SLC24A2: variants seen among roughly 807,000 people sequenced by gnomAD.
The protein encoded by SLC24A2 is solute carrier family 24 member 2.
Under a neutral mutation model 62.0 loss-of-function variants are expected in SLC24A2, and 36 were observed. The observed-to-expected ratio is 0.58, with a 90% CI of 0.44 to 0.77. The LOEUF (loss-of-function observed/expected upper bound fraction) is 0.77. Among genes scored for constraint, SLC24A2 ranks in the 30% least tolerant of loss-of-function variants. The pLI is 0.00. For missense variants in SLC24A2, 846 were observed against 817.9 expected, an observed-to-expected ratio of 1.03 and a Z score of -0.42; for synonymous variants, 358 against 294.0, an observed-to-expected ratio of 1.22 and a Z score of -2.23.
intron 2 of SLC24A2, among the ~76,000 whole-genome samples, chr9:19,704,404 A>AGAGAGAGT (rs1554702693): frequency 2.0e-5 from 3 of 151,808 alleles, no homozygotes; most frequent in African/African-American, 4.8e-5. Context: ...AGAGAGAGAG[A>AGAGAGAGT]GTGTGTGTAT....
At chr9:19,996,131 G>A in the SLC24A2 span, among the ~76,000 whole-genome samples, 1 of 152,224 alleles carries the variant, frequency 6.6e-6, no homozygotes, top group East Asian at 1.9e-4. Context: ...GTGTCAGATA[G>A]GGTAAAGTTG....
At chr9:20,193,547 T>A in the SLC24A2 span, among the ~76,000 whole-genome samples, 1 of 151,940 alleles carries the variant, frequency 6.6e-6, no homozygotes, top group Admixed American at 6.6e-5. Flanking sequence ...CCAACTGACA[T>A]CCCCTAATGA....
chr9:19,735,864 G>T lies in SLC24A2; in HGVS notation c.930+50073C>A, dbSNP rs1409851847. Reference sequence around the variant, plus strand: ...CACACACTAGGGCCTGTTGTGGGGTGGGGGGAAGGGGGAGGATAGCATTAG... The same window carrying T: ...CACACACTAGGGCCTGTTGTGGGGTTGGGGGAAGGGGGAGGATAGCATTAG... On this transcript the variant is annotated intron_variant, in intron 2 of 10. Coordinates refer to ENST00000341998, the MANE Select transcript of SLC24A2 (RefSeq NM_020344.4). 2.6e-5 allele frequency among the ~76,000 whole-genome samples: 4 copies of T among 151,916 alleles called. No homozygotes were observed. In the East Asian group the frequency reaches 7.7e-4, roughly 29 times the overall value.
At chr9:19,630,616 T>C (rs1818154002) in intron 2 of SLC24A2, among the ~76,000 whole-genome samples, 1 of 152,110 alleles carries the variant, frequency 6.6e-6, no homozygotes, top group East Asian at 1.9e-4. Flanking sequence ...ATCTCAGAAA[T>C]ATCAACGGTA....
chr9:19,917,195 G>C, the SLC24A2 span, among the ~76,000 whole-genome samples: 1 of 150,706 alleles, frequency 6.6e-6, no homozygotes, highest in Non-Finnish European at 1.5e-5. Context: ...GTTTTGTTTT[G>C]TTTTGATCTC....
At chr9:19,549,050 G>T (rs1184503491) in intron 8 of SLC24A2, among the ~76,000 whole-genome samples, 5 of 152,118 alleles carry the variant, frequency 3.3e-5, no homozygotes, top group African/African-American at 1.2e-4. Context: ...ACAGTGGGTG[G>T]GTGTATTCTC....
chr9:19,921,192 A>G, the SLC24A2 span, among the ~76,000 whole-genome samples: 2 of 151,942 alleles, frequency 1.3e-5, no homozygotes, highest in Non-Finnish European at 2.9e-5. Flanking sequence ...ATTTCATTTA[A>G]TGACCTTTCT....
the SLC24A2 span, among the ~76,000 whole-genome samples, chr9:20,092,619 CA>C: frequency 6.6e-5 from 10 of 152,112 alleles, no homozygotes; most frequent in African/African-American, 2.4e-4. Flanking sequence ...AAAAATTGTT[CA>C]TATTCAAGGT....
At chr9:19,758,178 A>G (rs1422241712) in intron 2 of SLC24A2, among the ~76,000 whole-genome samples, 1 of 152,200 alleles carries the variant, frequency 6.6e-6, no homozygotes, top group African/African-American at 2.4e-5. Context: ...TGCTAGAATA[A>G]TTTTTATATA....
chr9:19,634,281 CTTTTT>C (rs35884916), intron 2 of SLC24A2, among the ~76,000 whole-genome samples: 1 of 79,296 alleles, frequency 1.3e-5, no homozygotes, highest in African/African-American at 4.8e-5. Context: ...ACTGCAGCCT[CTTTTT>C]TTTTTTTTTT....
At position 19,575,863 on chromosome 9, in the gene SLC24A2, C is replaced by T. The variant is rs180846239; in HGVS notation, c.1228+1061G>A. Among the ~76,000 whole-genome samples the T allele has an allele frequency of 1.5e-3, 233 of 152,294 alleles. 1 individual carries two copies. The highest frequency in any genetic ancestry group is 5.3e-3 in the African/African-American group (222 of 41,566). Reference sequence around the variant, plus strand: ...TTGAATCTAAACATCACAAACAAAACTCAACCTATGCGGTAGACTTTCATG... The same window carrying T: ...TTGAATCTAAACATCACAAACAAAATTCAACCTATGCGGTAGACTTTCATG... On this transcript the variant is annotated intron_variant, in intron 6 of 10. Transcript: ENST00000341998.
At chr9:19,715,915 T>TG (rs1820846899) in intron 2 of SLC24A2, among the ~76,000 whole-genome samples, 1 of 152,180 alleles carries the variant, frequency 6.6e-6, no homozygotes, top group South Asian at 2.1e-4. Flanking sequence ...TGTTTTGAAG[T>TG]GGGGGAGAAG....
At chr9:20,300,148 A>T in the SLC24A2 span, among the ~76,000 whole-genome samples, 3 of 152,348 alleles carry the variant, frequency 2.0e-5, no homozygotes, top group African/African-American at 4.8e-5. Context: ...CATAGTAGGT[A>T]TATATGTATT....
chr9:20,020,764 G>T, the SLC24A2 span, among the ~76,000 whole-genome samples: 1 of 152,044 alleles, frequency 6.6e-6, no homozygotes, highest in Non-Finnish European at 1.5e-5. Context: ...AAATCTATTG[G>T]CTTTCAAAGC....
chr9:19,585,415 A>G (rs377151010), intron 5 of SLC24A2, among the ~76,000 whole-genome samples: 5 of 152,200 alleles, frequency 3.3e-5, no homozygotes, highest in East Asian at 1.9e-4. Flanking sequence ...TGGCATCACA[A>G]GATGTTTCAA....
At chr9:20,149,009 G>A in the SLC24A2 span, among the ~76,000 whole-genome samples, 1 of 152,046 alleles carries the variant, frequency 6.6e-6, no homozygotes, top group Non-Finnish European at 1.5e-5. Context: ...AACATGGAGA[G>A]CCAATCTTTC....
chr9:19,538,224 G>A (rs1262437934), intron 8 of SLC24A2, among the ~76,000 whole-genome samples: 1 of 119,876 alleles, frequency 8.3e-6, no homozygotes, highest in Non-Finnish European at 1.7e-5. Context: ...GCCCTGGCCA[G>A]AACTTCCAAC....
chr9:19,724,692 T>C (rs1821120740), intron 2 of SLC24A2, among the ~76,000 whole-genome samples: 1 of 152,200 alleles, frequency 6.6e-6, no homozygotes, highest in Non-Finnish European at 1.5e-5. Flanking sequence ...AATTCCAATA[T>C]ACCCACATTA....
At chr9:19,714,794 C>G (rs1235953705) in intron 2 of SLC24A2, among the ~76,000 whole-genome samples, 1 of 152,092 alleles carries the variant, frequency 6.6e-6, no homozygotes, top group Non-Finnish European at 1.5e-5. Context: ...ACTCATTTAG[C>G]AAGTATCCTG....
Sources: gnomAD v4.1 joint callset for allele counts (sites outside exome capture counted in the v4.1 genomes callset) on GRCh38, gnomAD v4.1.1 for gene constraint, MANE v1.5 for transcripts, NCBI Gene and HGNC (gene_info 2026-07-23, HGNC 2026-07-21) for gene names.